The following GPC6 variants were observed in gnomAD, a reference collection of about 807,000 sequenced individuals.
The protein encoded by GPC6 is glypican 6, also known as glypican-6.
In GPC6, 14 loss-of-function variants were observed where a neutral mutation model predicts 55.2. That is an observed-to-expected ratio of 0.25 (90% CI 0.17 to 0.40). The LOEUF (loss-of-function observed/expected upper bound fraction) is 0.40, where lower values mean the gene tolerates loss of function less well. Ranked by LOEUF, GPC6 falls within the 10% of genes least tolerant of loss-of-function variation. GPC6 has a pLI of 1.00. For missense variants in GPC6, 641 were observed against 708.5 expected, an observed-to-expected ratio of 0.90 and a Z score of 1.08; for synonymous variants, 278 against 259.6, an observed-to-expected ratio of 1.07 and a Z score of -0.68.
intron 1 of GPC6, among the ~76,000 whole-genome samples, chr13:93,318,986 A>T (rs1210262190): frequency 6.6e-6 from 1 of 152,158 alleles, no homozygotes; most frequent in Non-Finnish European, 1.5e-5. Context: ...GGTTGCATAC[A>T]TTGGAACACC....
intron 2 of GPC6, among the ~76,000 whole-genome samples, chr13:93,645,941 G>C (rs556436238): frequency 6.6e-6 from 1 of 152,138 alleles, no homozygotes; most frequent in South Asian, 2.1e-4. Context: ...ACCCTCCCCA[G>C]ATATACACAG....
chr13:94,397,201 G>A (rs186081334), intron 7 of GPC6, among the ~76,000 whole-genome samples: 8 of 152,100 alleles, frequency 5.3e-5, no homozygotes, highest in South Asian at 2.1e-4. Flanking sequence ...CTACAGGGGG[G>A]TGTCTCTCCA....
At chr13:93,933,624 T>C (rs1176503550) in intron 3 of GPC6, among the ~76,000 whole-genome samples, 2 of 152,158 alleles carry the variant, frequency 1.3e-5, no homozygotes, top group Non-Finnish European at 2.9e-5. Context: ...TATATAAAAG[T>C]ATATAAAATC....
chr13:93,677,541 C>T (rs1881681369), intron 2 of GPC6, among the ~76,000 whole-genome samples: 1 of 151,962 alleles, frequency 6.6e-6, no homozygotes, highest in Non-Finnish European at 1.5e-5. Flanking sequence ...AAGATATTGG[C>T]AATCTGGGAA....
At chr13:93,474,456 T>C (rs1879232818) in intron 1 of GPC6, among the ~76,000 whole-genome samples, 1 of 152,096 alleles carries the variant, frequency 6.6e-6, no homozygotes, top group Non-Finnish European at 1.5e-5. Context: ...GCCTTCTTTT[T>C]CCCCCAAGCA....
chr13:94,069,619 G>A (rs1317798084), intron 4 of GPC6, among the ~76,000 whole-genome samples: 1 of 152,080 alleles, frequency 6.6e-6, no homozygotes, highest in African/African-American at 2.4e-5. Flanking sequence ...ATCACCTCTT[G>A]AATGCTTTGC....
chr13:94,025,926 T>TA lies in GPC6; in HGVS notation c.712-1795dup, dbSNP rs202221488. 3.2e-3 allele frequency among the ~76,000 whole-genome samples: 490 copies of TA among 152,024 alleles called. 4 individuals are homozygous for TA. The highest frequency in any genetic ancestry group is 0.01 in the African/African-American group (430 of 41,466). On this transcript the variant is annotated intron_variant, in intron 3 of 8. Transcript: ENST00000377047. ...AAATGAAAAGGATATTACTCTGGGATAAAAAAAATTAAAGGATATTACTTT... is the reference window on the plus strand; with the variant it reads ...AAATGAAAAGGATATTACTCTGGGATAAAAAAAAATTAAAGGATATTACTTT...
At chr13:94,122,831 A>G (rs527770201) in intron 4 of GPC6, among the ~76,000 whole-genome samples, 91 of 152,148 alleles carry the variant, frequency 6.0e-4, no homozygotes, top group African/African-American at 2.2e-3. Flanking sequence ...TTCAGAAATC[A>G]TACTTACTCA....
chr13:93,979,552 C>T (rs1880694581), intron 3 of GPC6, among the ~76,000 whole-genome samples: 1 of 151,654 alleles, frequency 6.6e-6, no homozygotes. Context: ...GTTACTAGTC[C>T]ATGACAAATT....
At chr13:93,842,164 A>G (rs1267326091) in intron 3 of GPC6, among the ~76,000 whole-genome samples, 1 of 152,156 alleles carries the variant, frequency 6.6e-6, no homozygotes. Flanking sequence ...CAATTTTATA[A>G]CGCTTTAAAA....
rs114311162 is a variant in GPC6 at position 94,318,909 on chromosome 13, T to A, written c.1152+12786T>A. Among the ~76,000 whole-genome samples, 928 of 152,280 alleles carry A rather than the reference T, an allele frequency of 6.1e-3. 15 individuals are homozygous for A. The highest frequency in any genetic ancestry group is 0.021 in the African/African-American group (854 of 41,570). On this transcript the variant is annotated intron_variant, in intron 6 of 8. Coordinates refer to ENST00000377047, the MANE Select transcript of GPC6 (RefSeq NM_005708.5). ...TATTAATGTAGTTACACCAAATTTT[T>A]AAAAATATTTAACTGAAATATCTTT...
chr13:93,949,028 A>G (rs1323234999), intron 3 of GPC6, among the ~76,000 whole-genome samples: 1 of 152,148 alleles, frequency 6.6e-6, no homozygotes, highest in African/African-American at 2.4e-5. Context: ...TTTTCAACTG[A>G]CATTTGTTAT....
chr13:93,422,168 C>T (rs1876946689), intron 1 of GPC6, among the ~76,000 whole-genome samples: 1 of 152,086 alleles, frequency 6.6e-6, no homozygotes, highest in African/African-American at 2.4e-5. Flanking sequence ...ACTCTTCCCC[C>T]ACGATTATTC....
chr13:93,964,489 C>G (rs993584240), intron 3 of GPC6, among the ~76,000 whole-genome samples: 1 of 152,094 alleles, frequency 6.6e-6, no homozygotes, highest in African/African-American at 2.4e-5. Flanking sequence ...AGCACAAAAC[C>G]CTTTAATGAT....
intron 1 of GPC6, among the ~76,000 whole-genome samples, chr13:93,347,940 G>A (rs36004096): frequency 2.0e-5 from 3 of 152,110 alleles, no homozygotes; most frequent in South Asian, 2.1e-4. Flanking sequence ...CAAAGCTTCA[G>A]GTTCTGTTTT....
At chr13:94,153,576 A>G (rs963305402) in intron 4 of GPC6, among the ~76,000 whole-genome samples, 3 of 152,150 alleles carry the variant, frequency 2.0e-5, no homozygotes, top group African/African-American at 2.4e-5. Flanking sequence ...CATCCACCCA[A>G]TGCTTGTGTC....
At chr13:93,701,723 G>A (rs1185165276) in intron 2 of GPC6, among the ~76,000 whole-genome samples, 4 of 151,926 alleles carry the variant, frequency 2.6e-5, no homozygotes, top group Admixed American at 2.6e-4. Context: ...TCTCAACAGT[G>A]TTCACAGCAT....
chr13:94,179,815 A>G (rs1191319506), intron 4 of GPC6, among the ~76,000 whole-genome samples: 1 of 152,170 alleles, frequency 6.6e-6, no homozygotes, highest in Non-Finnish European at 1.5e-5. Context: ...TTACCTTCTA[A>G]CCAGGTCACT....
intron 2 of GPC6, among the ~76,000 whole-genome samples, chr13:93,728,815 AC>A: frequency 6.6e-6 from 1 of 152,066 alleles, no homozygotes; most frequent in African/African-American, 2.4e-5. Flanking sequence ...GTATCCGCCT[AC>A]CTCGGCCTCC....
Sources: allele counts gnomAD v4.1 joint callset (sites outside exome capture counted in the v4.1 genomes callset), GRCh38; gene constraint gnomAD v4.1.1; transcripts MANE v1.5; gene names NCBI Gene and HGNC (gene_info 2026-07-23, HGNC 2026-07-21).